ZNF438: variants seen among roughly 807,000 people sequenced by gnomAD.
ZNF438 encodes zinc finger protein 438.
ZNF438 carries 25 observed loss-of-function variants against 38.0 expected under a neutral mutation model. The ratio of observed to expected loss-of-function variants is 0.66; its 90% CI spans 0.48 to 0.92. The LOEUF (loss-of-function observed/expected upper bound fraction) is 0.92, where lower values mean the gene tolerates loss of function less well. Ranked by LOEUF, ZNF438 falls within the 40% of genes least tolerant of loss-of-function variation. The pLI is 0.00. For missense variants in ZNF438, 1,007 were observed against 999.6 expected, an observed-to-expected ratio of 1.01 and a Z score of -0.10; for synonymous variants, 372 against 364.1, an observed-to-expected ratio of 1.02 and a Z score of -0.25.
At chr10:30,850,431 C>T in intron 4 of ZNF438, 64 bp from the exon 6 acceptor site, 2 of 1,524,028 alleles carry the variant, frequency 1.3e-6, no homozygotes, top group Admixed American at 1.9e-5. Flanking sequence ...ATACTTCAAA[C>T]AACAAGCATC....
chr10:30,926,851 A>C (rs2044997058), intron 2 of ZNF438, among the ~76,000 whole-genome samples: 1 of 152,154 alleles, frequency 6.6e-6, no homozygotes, highest in South Asian at 2.1e-4. Context: ...GAAGACTGAA[A>C]AAAACTGGCC....
intron 3 of ZNF438, among the ~76,000 whole-genome samples, chr10:30,901,169 C>T (rs1379689770): frequency 6.6e-6 from 1 of 152,226 alleles, no homozygotes; most frequent in Non-Finnish European, 1.5e-5. Flanking sequence ...CCCATTTGCA[C>T]ACTCTTTCCC....
chr10:30,862,078 C>T (rs892066341), intron 4 of ZNF438, among the ~76,000 whole-genome samples: 10 of 152,140 alleles, frequency 6.6e-5, no homozygotes, highest in Admixed American at 2.0e-4. Flanking sequence ...AACTGAACTC[C>T]AACATGGTGA....
intron 1 of ZNF438, among the ~76,000 whole-genome samples, chr10:31,001,291 T>C (rs1337506141): frequency 2.6e-5 from 4 of 152,236 alleles, no homozygotes; most frequent in East Asian, 1.9e-4. Flanking sequence ...AATGTGAATG[T>C]ATTTACAAAC....
intron 3 of ZNF438, among the ~76,000 whole-genome samples, chr10:30,902,882 A>C (rs1001935920): frequency 6.6e-6 from 1 of 152,188 alleles, no homozygotes; most frequent in Non-Finnish European, 1.5e-5. Context: ...GGGGAGGCTC[A>C]GGTGGTGCAG....
At chr10:30,874,308 C>T (rs117887587) in intron 4 of ZNF438, among the ~76,000 whole-genome samples, 8,094 of 151,732 alleles carry the variant, frequency 0.053, 294 homozygotes, top group Non-Finnish European at 0.078. Flanking sequence ...GCCATCACGC[C>T]TAGCTAATTT....
At chr10:30,945,188 T>C (rs2047244367) in intron 1 of ZNF438, among the ~76,000 whole-genome samples, 1 of 152,070 alleles carries the variant, frequency 6.6e-6, no homozygotes, top group African/African-American at 2.4e-5. Flanking sequence ...TCAAGTATTT[T>C]AAGGCTCTGT....
At chr10:30,872,827 A>T (rs772476884) in intron 4 of ZNF438, among the ~76,000 whole-genome samples, 4 of 152,086 alleles carry the variant, frequency 2.6e-5, no homozygotes, top group Non-Finnish European at 5.9e-5. Flanking sequence ...TTCCTGACCA[A>T]TGAACAATGA....
intron 3 of ZNF438, among the ~76,000 whole-genome samples, chr10:30,907,724 T>C (rs1295691831): frequency 6.6e-6 from 1 of 152,190 alleles, no homozygotes; most frequent in Non-Finnish European, 1.5e-5. Context: ...TCTTTTATCC[T>C]GGTTAGTCTA....
intron 3 of ZNF438, among the ~76,000 whole-genome samples, chr10:30,878,787 CG>C (rs2038824567): frequency 6.6e-6 from 1 of 152,126 alleles, no homozygotes; most frequent in Non-Finnish European, 1.5e-5. Context: ...TTGCTCCTGC[CG>C]GCACCCAAAG....
chr10:30,917,620 T>A (rs1033134176), intron 2 of ZNF438, among the ~76,000 whole-genome samples: 5 of 152,198 alleles, frequency 3.3e-5, no homozygotes, highest in African/African-American at 1.2e-4. Flanking sequence ...TGTTACAAAG[T>A]GTCTTTTCAA....
Position 30,845,582 on chromosome 10 carries a change from G to C in ZNF438, c.1875-9C>G, listed in dbSNP as rs748317867. ...GGTTGGACTTGTTTTCCCTGAAAAG[G>C]CCAATAATAATGAAGATAAGATTTC... On this transcript the variant is annotated splice_polypyrimidine_tract_variant and intron_variant, in intron 5 of 5. Transcript: ENST00000413025. 1.9e-6 allele frequency: 3 copies of C among 1,600,938 alleles called. No homozygotes were observed. Among genetic ancestry groups the C allele is most frequent in the Non-Finnish European group, 2.6e-6 (3 of 1,174,798 alleles).
chr10:30,894,310 A>G (rs765762440), intron 3 of ZNF438, among the ~76,000 whole-genome samples: 1 of 152,220 alleles, frequency 6.6e-6, no homozygotes, highest in Non-Finnish European at 1.5e-5. Flanking sequence ...TTGGAGGACT[A>G]GACAGTCCAG....
chr10:30,872,425 C>CAAAAAAAAAAAAAA (rs566401687), intron 4 of ZNF438, among the ~76,000 whole-genome samples: 7 of 58,696 alleles, frequency 1.2e-4, no homozygotes, highest in African/African-American at 1.2e-4. Context: ...GACTCTGTCT[C>CAAAAAAAAAAAAAA]AAAAAAAAAA....
At chr10:30,861,712 G>T (rs1479176689) in intron 4 of ZNF438, among the ~76,000 whole-genome samples, 2 of 151,972 alleles carry the variant, frequency 1.3e-5, no homozygotes, top group Admixed American at 1.3e-4. Flanking sequence ...AATTGTTTTT[G>T]ATTTGGAATG....
intron 1 of ZNF438, among the ~76,000 whole-genome samples, chr10:30,963,868 T>C (rs570457456): frequency 5.5e-4 from 83 of 151,376 alleles, no homozygotes; most frequent in African/African-American, 1.9e-3. Context: ...TGAGACTCCA[T>C]CTCAAAAAAA....
chr10:30,954,551 C>T (rs1035203409), intron 1 of ZNF438, among the ~76,000 whole-genome samples: 2 of 152,132 alleles, frequency 1.3e-5, no homozygotes, highest in African/African-American at 4.8e-5. Context: ...CACTTAGATT[C>T]TGTTCTAAGG....
At chr10:30,998,348 G>A (rs2054269095) in intron 1 of ZNF438, among the ~76,000 whole-genome samples, 2 of 151,520 alleles carry the variant, frequency 1.3e-5, no homozygotes, top group African/African-American at 4.8e-5. Context: ...AGACCATCCT[G>A]GCTAACACAG....
chr10:30,875,157 T>C (rs2038214029), intron 4 of ZNF438, among the ~76,000 whole-genome samples: 1 of 151,856 alleles, frequency 6.6e-6, no homozygotes, highest in Admixed American at 6.6e-5. Context: ...GGCCAAGGGG[T>C]CTTACTTTCC....
Sources: allele counts gnomAD v4.1 joint callset (sites outside exome capture counted in the v4.1 genomes callset), GRCh38; gene constraint gnomAD v4.1.1; transcripts MANE v1.5; gene names NCBI Gene and HGNC (gene_info 2026-07-23, HGNC 2026-07-21).